The following ADAMTSL1 variants were observed in gnomAD, a reference collection of about 807,000 sequenced individuals.
ADAMTSL1 encodes ADAMTS-like protein 1.
Under a neutral mutation model 201.8 loss-of-function variants are expected in ADAMTSL1, and 126 were observed. That is an observed-to-expected ratio of 0.62 (90% CI 0.54 to 0.72). The LOEUF is 0.72. Among genes scored for constraint, ADAMTSL1 ranks in the 30% least tolerant of loss-of-function variants. The pLI is 0.00. For missense variants in ADAMTSL1, 2,679 were observed against 2,277.8 expected (o/e 1.18, Z -3.59); for synonymous variants, 1,121 against 903.4 (o/e 1.24, Z -4.32).
At chr9:18,162,609 A>G (rs975030678) in intron 1 of ADAMTSL1, among the ~76,000 whole-genome samples, 4 of 152,006 alleles carry the variant, frequency 2.6e-5, no homozygotes, top group Non-Finnish European at 4.4e-5. Context: ...GCCATTATAT[A>G]TGTTATAGAA....
chr9:18,019,633 G>C (rs2131579664), intron 1 of ADAMTSL1, among the ~76,000 whole-genome samples: 1 of 152,202 alleles, frequency 6.6e-6, no homozygotes, highest in Non-Finnish European at 1.5e-5. Flanking sequence ...AGAATTTGTA[G>C]GATTGATTTT....
intron 2 of ADAMTSL1, among the ~76,000 whole-genome samples, chr9:18,234,703 A>G (rs1407782481): frequency 6.6e-6 from 1 of 152,164 alleles, no homozygotes; most frequent in Non-Finnish European, 1.5e-5. Flanking sequence ...AACACCTCTT[A>G]GGAGTGTTTT....
At chr9:18,055,228 G>C (rs1340751527) in intron 1 of ADAMTSL1, among the ~76,000 whole-genome samples, 1 of 152,212 alleles carries the variant, frequency 6.6e-6, no homozygotes, top group African/African-American at 2.4e-5. Flanking sequence ...TTTAGTAAAA[G>C]CAGATACATA....
intron 4 of ADAMTSL1, among the ~76,000 whole-genome samples, chr9:18,603,500 G>A (rs942878584): frequency 3.9e-5 from 6 of 152,108 alleles, no homozygotes; most frequent in Non-Finnish European, 8.8e-5. Context: ...GCAAACACAT[G>A]GAGTTTTGTC....
chr9:18,160,328 G>A (rs769610855), intron 1 of ADAMTSL1, among the ~76,000 whole-genome samples: 4 of 152,032 alleles, frequency 2.6e-5, no homozygotes, highest in African/African-American at 7.2e-5. Flanking sequence ...ACAAGAAGGT[G>A]TTCCTTACCC....
chr9:18,167,742 C>T (rs1179353231), intron 2 of ADAMTSL1, among the ~76,000 whole-genome samples: 1 of 151,746 alleles, frequency 6.6e-6, no homozygotes. Context: ...CCACTCCTGT[C>T]AATAGAAATG....
chr9:18,657,553 C>T lies in ADAMTSL1; in HGVS notation c.835-86C>T, dbSNP rs115382172. ...CTCACACAGCCTAAAACCATCAGCACTACCATATACTCTTGTTCGAAGCTG... is the reference window on the plus strand; with the variant it reads ...CTCACACAGCCTAAAACCATCAGCATTACCATATACTCTTGTTCGAAGCTG... On this transcript the variant is annotated intron_variant, in intron 7 of 28. Coordinates refer to ENST00000380548, the MANE Select transcript of ADAMTSL1 (RefSeq NM_001040272.6). 7.3e-3 allele frequency: 7,005 copies of T among 965,020 alleles called. 305 individuals carry two copies. The African/African-American group carries it at 0.093, about 13-fold the overall frequency. The allele number at this position is 965,020 out of a possible 1,614,324, so 59.8% of individuals were successfully genotyped here. A position where few individuals can be genotyped will look rare whatever the true frequency, so the allele number is the denominator to read the frequency against.
At chr9:18,014,049 A>G (rs1009201044) in intron 1 of ADAMTSL1, among the ~76,000 whole-genome samples, 4 of 152,032 alleles carry the variant, frequency 2.6e-5, no homozygotes, top group South Asian at 2.1e-4. Flanking sequence ...GACATAGTCA[A>G]GCATATTTGG....
At chr9:17,933,439 T>C (rs1826881615) in intron 1 of ADAMTSL1, among the ~76,000 whole-genome samples, 1 of 152,162 alleles carries the variant, frequency 6.6e-6, no homozygotes, top group South Asian at 2.1e-4. Context: ...GGGCATATTT[T>C]TGGGAGTCTC....
intron 1 of ADAMTSL1, among the ~76,000 whole-genome samples, chr9:18,050,751 T>C (rs1005561164): frequency 6.6e-6 from 1 of 152,190 alleles, no homozygotes; most frequent in Admixed American, 6.5e-5. Flanking sequence ...GGTGGGGATC[T>C]GACTCACTTA....
At chr9:18,164,973 C>T (rs1256009027) in intron 2 of ADAMTSL1, among the ~76,000 whole-genome samples, 2 of 151,730 alleles carry the variant, frequency 1.3e-5, no homozygotes, top group Non-Finnish European at 2.9e-5. Flanking sequence ...GCATATGGCC[C>T]AGTGTGAGCA....
chr9:18,159,946 C>T (rs1186727110), intron 1 of ADAMTSL1, among the ~76,000 whole-genome samples: 1 of 151,994 alleles, frequency 6.6e-6, no homozygotes, highest in Non-Finnish European at 1.5e-5. Context: ...CTCATTTTCC[C>T]TTTAATGAAG....
chr9:18,589,006 A>G (rs117012850), intron 4 of ADAMTSL1, among the ~76,000 whole-genome samples: 13,629 of 148,596 alleles, frequency 0.092, 751 homozygotes, highest in Middle Eastern at 0.17. Flanking sequence ...ACCCCTTAGT[A>G]TCTGGGATTA....
chr9:18,459,827 T>C (rs1820743154), intron 2 of ADAMTSL1, among the ~76,000 whole-genome samples: 1 of 152,200 alleles, frequency 6.6e-6, no homozygotes, highest in Admixed American at 6.6e-5. Flanking sequence ...TTCTTCCCAT[T>C]TGGTTTTAAA....
intron 17 of ADAMTSL1, among the ~76,000 whole-genome samples, 164 bp downstream of exon 17, chr9:18,770,945 C>A (rs16937047): frequency 6.6e-6 from 1 of 152,080 alleles, no homozygotes; most frequent in East Asian, 1.9e-4. Flanking sequence ...TAGCTTTTAA[C>A]GAGGCTGCAG....
At chr9:18,181,226 G>T (rs1488712289) in intron 2 of ADAMTSL1, among the ~76,000 whole-genome samples, 1 of 152,184 alleles carries the variant, frequency 6.6e-6, no homozygotes, top group Non-Finnish European at 1.5e-5. Flanking sequence ...ATAGGCATGG[G>T]CAAGGACTTC....
At chr9:18,164,122 GT>G (rs1472371992) in intron 2 of ADAMTSL1, 4 of 152,014 alleles carry the variant, frequency 2.6e-5, no homozygotes, top group Non-Finnish European at 5.9e-5. Context: ...GGGAGGCAAA[GT>G]GTAGGGCAGT....
chr9:18,390,830 C>T (rs1278495060), intron 2 of ADAMTSL1, among the ~76,000 whole-genome samples: 1 of 151,990 alleles, frequency 6.6e-6, no homozygotes, highest in Non-Finnish European at 1.5e-5. Flanking sequence ...CACCTCAAAA[C>T]ACTGACAATG....
intron 2 of ADAMTSL1, among the ~76,000 whole-genome samples, chr9:18,451,185 A>G (rs1257073678): frequency 6.6e-6 from 1 of 152,158 alleles, no homozygotes; most frequent in African/African-American, 2.4e-5. Flanking sequence ...CAAAGCTGAG[A>G]ATATTCTTTT....
Sources: allele counts gnomAD v4.1 joint callset (sites outside exome capture counted in the v4.1 genomes callset), GRCh38; gene constraint gnomAD v4.1.1; transcripts MANE v1.5; gene names NCBI Gene and HGNC (gene_info 2026-07-23, HGNC 2026-07-21).